Variants in SLC45A1 observed in about 807,000 individuals in gnomAD.
SLC45A1 encodes the protein proton-associated sugar transporter A.
Under a neutral mutation model 57.6 loss-of-function variants are expected in SLC45A1, and 28 were observed. That is an observed-to-expected ratio of 0.49 (90% CI 0.36 to 0.67). The LOEUF is 0.67. SLC45A1 is among the 30% of genes least tolerant of loss of function. The pLI is 0.00. For synonymous variants in SLC45A1, 459 were observed against 471.5 expected (o/e 0.97, Z 0.34); for missense variants, 814 against 1,041.5 (o/e 0.78, Z 3.01).
chr1:8,337,011 A>C (rs1160176117), intron 6 of SLC45A1, among the ~76,000 whole-genome samples: 2 of 149,754 alleles, frequency 1.3e-5, no homozygotes, highest in Non-Finnish European at 3.0e-5. Context: ...GTGGTTTAAA[A>C]TAAAAAAATT....
At position 8,335,517 on chromosome 1, in the gene SLC45A1, C is replaced by A; in HGVS notation, c.1524C>A (p.Ser508=). The change falls in exon 6 of 9, where the codon TCC becomes TCA. Residue 508 remains serine, a synonymous_variant. Coordinates refer to ENST00000471889, the MANE Select transcript of SLC45A1 (RefSeq NM_001080397.3). This position sits in a 1 kb window ranked among gnomAD's most constrained non-coding sequence, Gnocchi z 4.1. ...GCGAGCGCGCGGAGCAGCCTCTGTC[C>A]GTGGGGCGCCTCTGCTCCACCATCT... ...GSSERAEQPL[S]VGRLCSTICN... 6.2e-7 allele frequency: 1 copy of A among 1,605,160 alleles called. No homozygotes were observed. Among genetic ancestry groups the A allele is most frequent in the Non-Finnish European group, 8.5e-7 (1 of 1,179,788 alleles).
intron 1 of SLC45A1, among the ~76,000 whole-genome samples, chr1:8,319,964 C>T (rs1300819673): frequency 6.6e-6 from 1 of 152,176 alleles, no homozygotes; most frequent in East Asian, 1.9e-4. Flanking sequence ...GTGATCCACC[C>T]ACCTCGGCCT....
Position 8,330,173 on chromosome 1 carries a change from C to T in SLC45A1, c.716-36C>T, listed in dbSNP as rs1010050365. Reference sequence around the variant, plus strand: ...CCACCGCGTTTGGGGCTTCTCCTCCCGCAGAAGGGAACTCAAACCCTGTCT... The same window carrying T: ...CCACCGCGTTTGGGGCTTCTCCTCCTGCAGAAGGGAACTCAAACCCTGTCT... On this transcript the variant is annotated intron_variant, in intron 4 of 8. Transcript: ENST00000471889. This position sits in a 1 kb window ranked among gnomAD's most constrained non-coding sequence, Gnocchi z 8.4. 2.7e-5 allele frequency: 43 copies of T among 1,596,128 alleles called. No individual in the cohort carries two copies. The highest frequency in any genetic ancestry group is 3.5e-5 in the Non-Finnish European group (41 of 1,170,476).
At chr1:8,331,222 T>TTTTAGTA (rs1310895644) in intron 5 of SLC45A1, among the ~76,000 whole-genome samples, 3 of 152,156 alleles carry the variant, frequency 2.0e-5, no homozygotes, top group Non-Finnish European at 4.4e-5. Flanking sequence ...CTTTTTAGTA[T>TTTTAGTA]TTTAGTATTT....
At position 8,324,362 on chromosome 1, in the gene SLC45A1, A is replaced by C; in HGVS notation, c.33A>C (p.Gly11=). 6.2e-7 allele frequency: 1 copy of C among 1,612,640 alleles called. No individual in the cohort carries two copies. Among genetic ancestry groups the C allele is most frequent in the Non-Finnish European group, 8.5e-7 (1 of 1,179,918 alleles). Residue 11 remains glycine, a synonymous_variant, in exon 2 of 9, where the codon GGA becomes GGC. Coordinates refer to ENST00000471889, the MANE Select transcript of SLC45A1 (RefSeq NM_001080397.3). MIPAASSTPP[G]DALFPSVAPQ... ...CCGCAGCCAGCAGCACCCCGCCGGG[A>C]GATGCCCTCTTCCCCAGCGTGGCCC...
At position 8,329,911 on chromosome 1, in the gene SLC45A1, G is replaced by A. The variant is rs576811947; in HGVS notation, c.716-298G>A. Reference sequence around the variant, plus strand: ...TCGCTCCAGGGGCCTGAAAGGTTACGGGGAAAGTGGAACAGGCAGGAAGTG... The same window carrying A: ...TCGCTCCAGGGGCCTGAAAGGTTACAGGGAAAGTGGAACAGGCAGGAAGTG... On this transcript the variant is annotated intron_variant, in intron 4 of 8. Transcript: ENST00000471889. 4.6e-5 allele frequency among the ~76,000 whole-genome samples: 7 copies of A among 152,322 alleles called. No individual in the cohort carries two copies. The South Asian group carries it at 1.2e-3, about 27-fold the overall frequency.
In SLC45A1 at chr1:8,341,199, CAAAAAAAA is replaced by C. The variant is rs60069512; in HGVS notation, c.1980+1511_1980+1518del. ...TGGGCGACAGAGCAAGACTCCGTTT[CAAAAAAAA>C]AAAAAAAAAGAGTAAGAGGGACAAT... On this transcript the variant is annotated intron_variant, in intron 8 of 8. Coordinates refer to ENST00000471889, the MANE Select transcript of SLC45A1 (RefSeq NM_001080397.3). Among the ~76,000 whole-genome samples the C allele has an allele frequency of 5.8e-3, 373 of 64,298 alleles. 2 individuals are homozygous for C. The highest frequency in any genetic ancestry group is 9.7e-3 in the Non-Finnish European group (287 of 29,654). 42.2% of individuals were successfully genotyped at this position (64,298 alleles called of 152,430 possible).
At position 8,325,747 on chromosome 1, in the gene SLC45A1, A is replaced by G. The variant is rs949212358; in HGVS notation, c.491-71A>G. On this transcript the variant is annotated intron_variant, in intron 3 of 8. Transcript: ENST00000471889. This position sits in a 1 kb window ranked among gnomAD's most constrained non-coding sequence, Gnocchi z 6.3. Reference sequence around the variant, plus strand: ...TTCTTGAGTCCTAAAGATTCTAGACATAAGTCGTGAGCTGCCGGGGACAGA... The same window carrying G: ...TTCTTGAGTCCTAAAGATTCTAGACGTAAGTCGTGAGCTGCCGGGGACAGA... 1.4e-6 allele frequency: 2 copies of G among 1,397,004 alleles called. No individual in the cohort carries two copies. Among genetic ancestry groups the G allele is most frequent in the African/African-American group, 1.4e-5 (1 of 70,584 alleles). The allele number at this position is 1,397,004 out of a possible 1,614,324, so 86.5% of individuals were successfully genotyped here.
intron 8 of SLC45A1, among the ~76,000 whole-genome samples, chr1:8,342,018 T>G (rs983856666): frequency 1.3e-5 from 2 of 152,114 alleles, no homozygotes; most frequent in East Asian, 1.9e-4. Flanking sequence ...CCATCCTGGC[T>G]AACACAGTGA....
At chr1:8,340,636 C>T (rs1402123991) in intron 8 of SLC45A1, among the ~76,000 whole-genome samples, 10 of 152,152 alleles carry the variant, frequency 6.6e-5, no homozygotes, top group South Asian at 2.1e-4. Flanking sequence ...ATCCACCTGC[C>T]GGTTTTATCA....
intron 5 of SLC45A1, among the ~76,000 whole-genome samples, chr1:8,334,362 C>G (rs1460057909): frequency 6.6e-6 from 1 of 152,242 alleles, no homozygotes; most frequent in Admixed American, 6.5e-5. Context: ...CTTCCTTTCC[C>G]ACCAGGAGTA....
At chr1:8,342,827 A>G (rs142137361) in intron 8 of SLC45A1, among the ~76,000 whole-genome samples, 30 of 149,866 alleles carry the variant, frequency 2.0e-4, no homozygotes, top group Admixed American at 9.3e-4. Context: ...TGAGCCCAGG[A>G]GGCTGAGGCT....
chr1:8,330,421 C>T lies in SLC45A1; in HGVS notation c.928C>T (p.Leu310=), dbSNP rs764638444. Residue 310 remains leucine (L), a synonymous_variant, in exon 5 of 9, where the codon CTG becomes TTG. Transcript: ENST00000471889. This position sits in a 1 kb window ranked among gnomAD's most constrained non-coding sequence, Gnocchi z 8.4. ...AGCCATGAAGAGCCCCAGCCTCCCG[C>T]TGCCCCCGTCCCCACCCGTCCTGCC... The part of the protein sequence containing the change: ...RAAMKSPSLP[L]PPSPPVLPEE... 84 of 1,611,490 alleles carry T rather than the reference C, an allele frequency of 5.2e-5. No individual in the cohort carries two copies. Among genetic ancestry groups the T allele is most frequent in the Non-Finnish European group, 6.9e-5 (81 of 1,179,186 alleles).
Position 8,327,972 on chromosome 1 carries a change from A to G in SLC45A1, c.715+1930A>G, listed in dbSNP as rs1640253397. 1 of 152,250 alleles carries G rather than the reference A, an allele frequency of 6.6e-6. No homozygotes were observed. Among genetic ancestry groups the G allele is most frequent in the Admixed American group, 6.5e-5 (1 of 15,268 alleles). 9.4% of individuals were successfully genotyped at this position (152,250 alleles called of 1,614,324 possible). ...CTTGAACCCGGGAGGTGGAGGTTGCAGTGAGCCGAGATCGTGCCACTGCAC... is the reference window on the plus strand; with the variant it reads ...CTTGAACCCGGGAGGTGGAGGTTGCGGTGAGCCGAGATCGTGCCACTGCAC... On this transcript the variant is annotated intron_variant, in intron 4 of 8. Coordinates refer to ENST00000471889, the MANE Select transcript of SLC45A1 (RefSeq NM_001080397.3). This position sits in a 1 kb window ranked among gnomAD's most constrained non-coding sequence, Gnocchi z 4.3.
chr1:8,321,504 TC>T (rs370457807), intron 1 of SLC45A1, among the ~76,000 whole-genome samples: 12 of 152,138 alleles, frequency 7.9e-5, no homozygotes, highest in African/African-American at 2.9e-4. Context: ...CTCATATCTG[TC>T]TTTTACCCAA....
chr1:8,339,744 A>G, intron 8 of SLC45A1, 46 bp downstream of exon 8: 1 of 1,537,148 alleles, frequency 6.5e-7, no homozygotes, highest in Non-Finnish European at 9.0e-7. Context: ...TCTTGGAGAA[A>G]CCCCACCTGA....
At position 8,344,014 on chromosome 1, in the gene SLC45A1, C is replaced by T. The variant is rs751960225; in HGVS notation, c.*1C>T. On this transcript the variant is annotated 3_prime_UTR_variant, in exon 9 of 9. Coordinates refer to ENST00000471889, the MANE Select transcript of SLC45A1 (RefSeq NM_001080397.3). ...CCGGCCCCTCCTGCTGAACGTCTGA[C>T]ATCGCGGAGCCTCGACTCCGGACAC... is the stretch of plus-strand genomic sequence containing the variant. 54 of 1,602,970 alleles carry T rather than the reference C, an allele frequency of 3.4e-5. No individual in the cohort carries two copies. The South Asian group carries it at 5.3e-4, about 16-fold the overall frequency.
Position 8,337,993 on chromosome 1 carries a change from G to A in SLC45A1, c.1774+1G>A. On this transcript the variant is annotated splice_donor_variant, in intron 7 of 8. Coordinates refer to ENST00000471889, the MANE Select transcript of SLC45A1 (RefSeq NM_001080397.3). LOFTEE classifies it high-confidence loss of function. Reference sequence around the variant, plus strand: ...GCCTTCAGTGCTGCCTTCTACTCAGGTACCCGCTGCCAGCCAGGCTGGCAC... The same window carrying A: ...GCCTTCAGTGCTGCCTTCTACTCAGATACCCGCTGCCAGCCAGGCTGGCAC... 1 of 1,612,172 alleles carries A rather than the reference G, an allele frequency of 6.2e-7. No homozygotes were observed. The highest frequency in any genetic ancestry group is 8.5e-7 in the Non-Finnish European group (1 of 1,179,416).
chr1:8,342,063 C>T (rs1055446648), intron 8 of SLC45A1, among the ~76,000 whole-genome samples: 6 of 152,118 alleles, frequency 3.9e-5, no homozygotes, highest in East Asian at 1.9e-4. Flanking sequence ...AAAAATTAGC[C>T]GGGCGTGGTG....
Sources: allele counts gnomAD v4.1 joint callset (sites outside exome capture counted in the v4.1 genomes callset), GRCh38; gene constraint gnomAD v4.1.1; non-coding constraint Gnocchi (gnomAD v3.1); transcripts MANE v1.5; gene names NCBI Gene and HGNC (gene_info 2026-07-23, HGNC 2026-07-21).